ANO10: variants seen among roughly 807,000 people sequenced by gnomAD.
The protein encoded by ANO10 is anoctamin 10.
A neutral mutation model predicts 74.7 loss-of-function variants in ANO10; 77 were observed. The observed-to-expected ratio is 1.03, with a 90% confidence interval of 0.86 to 1.25. The LOEUF (loss-of-function observed/expected upper bound fraction) is 1.25, where lower values mean the gene tolerates loss of function less well. Ranked by LOEUF, ANO10 falls within the 50% of genes most tolerant of loss-of-function variation. The probability of loss-of-function intolerance (pLI) is 0.00; values close to 1 mark genes in which losing one functional copy is unlikely to be tolerated. For synonymous variants in ANO10, 279 were observed against 284.9 expected (o/e 0.98, Z 0.21); for missense variants, 721 against 778.1 (o/e 0.93, Z 0.87).
At chr3:43,559,142 T>C (rs2054553) in intron 9 of ANO10, among the ~76,000 whole-genome samples, 88,078 of 152,100 alleles carry the variant, frequency 0.58, 26,591 homozygotes, top group East Asian at 0.89. Context: ...CATGCCTCCC[T>C]CACCGTCCTT....
intron 11 of ANO10, among the ~76,000 whole-genome samples, chr3:43,458,546 C>G (rs374618887): frequency 6.6e-6 from 1 of 152,178 alleles, no homozygotes; most frequent in African/African-American, 2.4e-5. Context: ...TACAGGAATT[C>G]TCTTATGCAT....
intron 1 of ANO10, among the ~76,000 whole-genome samples, chr3:43,664,679 A>G (rs945889597): frequency 1.3e-5 from 2 of 152,196 alleles, no homozygotes; most frequent in African/African-American, 4.8e-5. Context: ...TTAAATTTAC[A>G]AGAAAAAAGC....
chr3:43,522,531 G>A (rs146377086), intron 11 of ANO10, among the ~76,000 whole-genome samples: 48 of 152,196 alleles, frequency 3.2e-4, no homozygotes, highest in African/African-American at 1.0e-3. Flanking sequence ...ATGCATTAGG[G>A]ATCTGTCATT....
intron 4 of ANO10, among the ~76,000 whole-genome samples, chr3:43,589,652 A>G (rs1029020970): frequency 6.6e-6 from 1 of 152,186 alleles, no homozygotes; most frequent in Non-Finnish European, 1.5e-5. Flanking sequence ...TGAAGCAATC[A>G]CTATAGAGAG....
chr3:43,564,595 C>A (rs1052080609), intron 8 of ANO10, among the ~76,000 whole-genome samples: 4 of 152,028 alleles, frequency 2.6e-5, no homozygotes, highest in Non-Finnish European at 4.4e-5. Flanking sequence ...ATTAAAAATT[C>A]TTTTTTACTT....
intron 1 of ANO10, among the ~76,000 whole-genome samples, chr3:43,646,355 G>A (rs747870618): frequency 2.6e-5 from 4 of 152,112 alleles, no homozygotes; most frequent in Admixed American, 1.3e-4. Flanking sequence ...GTAGACCAAG[G>A]GCACACTTCT....
At chr3:43,369,496 G>A (rs548229181) in intron 12 of ANO10, among the ~76,000 whole-genome samples, 1 of 152,364 alleles carries the variant, frequency 6.6e-6, no homozygotes, top group East Asian at 1.9e-4. Flanking sequence ...TTAAAGCCAT[G>A]AATGACCAAG....
At chr3:43,375,172 G>T (rs1393023654) in intron 12 of ANO10, among the ~76,000 whole-genome samples, 1 of 151,450 alleles carries the variant, frequency 6.6e-6, no homozygotes, top group African/African-American at 2.4e-5. Flanking sequence ...TTGGGTGGGC[G>T]CAGTGGCTCA....
chr3:43,680,513 A>T (rs1212639801), intron 1 of ANO10, among the ~76,000 whole-genome samples: 1 of 152,224 alleles, frequency 6.6e-6, no homozygotes, highest in Non-Finnish European at 1.5e-5. Context: ...ACTCGGCAGG[A>T]TATTATCCAG....
At chr3:43,445,873 T>C (rs1462918278) in intron 11 of ANO10, among the ~76,000 whole-genome samples, 2 of 152,092 alleles carry the variant, frequency 1.3e-5, no homozygotes, top group Admixed American at 6.5e-5. Context: ...CTAATATTTG[T>C]ATTTTTTGTA....
chr3:43,480,057 T>C (rs6768557), intron 11 of ANO10, among the ~76,000 whole-genome samples: 33,821 of 152,094 alleles, frequency 0.22, 4,297 homozygotes, highest in Middle Eastern at 0.36. Flanking sequence ...AGAATGCTAT[T>C]TTCTAAAAGG....
intron 7 of ANO10, among the ~76,000 whole-genome samples, chr3:43,568,889 A>C (rs1370889490): frequency 4.0e-5 from 6 of 150,658 alleles, no homozygotes; most frequent in African/African-American, 1.5e-4. Context: ...AAATGAATGA[A>C]TCCAGGAGCT....
intron 4 of ANO10, among the ~76,000 whole-genome samples, chr3:43,582,045 G>T (rs543208587): frequency 6.6e-6 from 1 of 152,154 alleles, no homozygotes; most frequent in African/African-American, 2.4e-5. Context: ...TCTTCAGAGA[G>T]CTACCTCTCT....
intron 2 of ANO10, among the ~76,000 whole-genome samples, chr3:43,601,408 G>A (rs1001192056): frequency 2.0e-5 from 3 of 152,254 alleles, no homozygotes; most frequent in Non-Finnish European, 2.9e-5. Flanking sequence ...TGTTGCCCAG[G>A]CTGGTCTTGA....
intron 11 of ANO10, among the ~76,000 whole-genome samples, chr3:43,526,852 T>G (rs553921742): frequency 5.3e-4 from 81 of 152,016 alleles, no homozygotes; most frequent in African/African-American, 1.8e-3. Flanking sequence ...ACAGCAGAGG[T>G]CCCTTAAGTT....
At chr3:43,431,785 G>A (rs1012998431) in intron 12 of ANO10, among the ~76,000 whole-genome samples, 6 of 152,014 alleles carry the variant, frequency 3.9e-5, no homozygotes, top group South Asian at 2.1e-4. Context: ...TCTCCTGTCC[G>A]GCGCACTACC....
At chr3:43,533,346 A>C (rs548536635) in intron 11 of ANO10, among the ~76,000 whole-genome samples, 1 of 152,356 alleles carries the variant, frequency 6.6e-6, no homozygotes, top group African/African-American at 2.4e-5. Context: ...TATTTGAAGT[A>C]GAATTTGTAG....
At chr3:43,684,499 C>T (rs1242186213) in intron 1 of ANO10, among the ~76,000 whole-genome samples, 5 of 152,152 alleles carry the variant, frequency 3.3e-5, no homozygotes, top group Non-Finnish European at 5.9e-5. Context: ...TAAACTCGTT[C>T]AACCATTGTG....
intron 11 of ANO10, among the ~76,000 whole-genome samples, chr3:43,508,910 T>C (rs1233429407): frequency 1.4e-5 from 2 of 147,840 alleles, no homozygotes; most frequent in South Asian, 2.1e-4. Flanking sequence ...AACCTGCACG[T>C]TGTGCACATG....
Sources: gnomAD v4.1 joint callset for allele counts (sites outside exome capture counted in the v4.1 genomes callset) on GRCh38, gnomAD v4.1.1 for gene constraint, MANE v1.5 for transcripts, NCBI Gene and HGNC (gene_info 2026-07-23, HGNC 2026-07-21) for gene names.